Variants in TSPAN9 observed in about 807,000 individuals in gnomAD.
TSPAN9 encodes the protein tetraspanin-9.
A neutral mutation model predicts 31.0 loss-of-function variants in TSPAN9; 16 were observed. That is an observed-to-expected ratio of 0.52 (90% CI 0.35 to 0.78). TSPAN9 has a LOEUF of 0.78. TSPAN9 is among the 30% of genes least tolerant of loss of function. The probability of loss-of-function intolerance (pLI) is 0.01; values close to 1 mark genes in which losing one functional copy is unlikely to be tolerated. For missense variants in TSPAN9, 272 were observed against 312.5 expected (o/e 0.87, Z 0.98); for synonymous variants, 145 against 121.6 (o/e 1.19, Z -1.27).
chr12:3,157,575 A>G (rs1282360031), intron 2 of TSPAN9, among the ~76,000 whole-genome samples: 3 of 152,250 alleles, frequency 2.0e-5, no homozygotes, highest in Non-Finnish European at 2.9e-5. Flanking sequence ...GAAAACCTAA[A>G]ATAGTCTTTG....
At chr12:3,243,684 T>C (rs547943532) in intron 3 of TSPAN9, among the ~76,000 whole-genome samples, 1 of 152,060 alleles carries the variant, frequency 6.6e-6, no homozygotes, top group East Asian at 2.0e-4. Flanking sequence ...TCAGGGAGGG[T>C]GACAGCGTAG....
intron 2 of TSPAN9, among the ~76,000 whole-genome samples, chr12:3,113,230 C>G (rs2098320138): frequency 6.6e-6 from 1 of 152,078 alleles, no homozygotes; most frequent in African/African-American, 2.4e-5. Flanking sequence ...GGGTAAAGGC[C>G]TAGGGGCTGT....
chr12:3,135,728 G>A (rs2098331819), intron 2 of TSPAN9, among the ~76,000 whole-genome samples: 1 of 152,134 alleles, frequency 6.6e-6, no homozygotes, highest in South Asian at 2.1e-4. Context: ...ATCAGCCATC[G>A]CCCCTTGATG....
intron 2 of TSPAN9, among the ~76,000 whole-genome samples, chr12:3,163,154 A>G (rs989319484): frequency 5.3e-5 from 8 of 152,202 alleles, no homozygotes; most frequent in East Asian, 1.9e-4. Flanking sequence ...GGCATGATCA[A>G]TAGTGGTTGA....
intron 2 of TSPAN9, among the ~76,000 whole-genome samples, chr12:3,139,793 C>T (rs1038111941): frequency 6.6e-6 from 1 of 152,308 alleles, no homozygotes; most frequent in East Asian, 1.9e-4. Context: ...GGTGATCCAC[C>T]TCCCTCGGCC....
chr12:3,220,388 G>A (rs954562787), intron 3 of TSPAN9, among the ~76,000 whole-genome samples: 1 of 152,186 alleles, frequency 6.6e-6, no homozygotes, highest in Non-Finnish European at 1.5e-5. Context: ...GCACCCTCAG[G>A]GTTAGGCGTG....
intron 2 of TSPAN9, among the ~76,000 whole-genome samples, chr12:3,175,251 G>A (rs940950685): frequency 1.3e-5 from 2 of 152,204 alleles, no homozygotes; most frequent in South Asian, 2.1e-4. Flanking sequence ...GAAGTGGCAC[G>A]AGAGCGGTCA....
chr12:3,148,442 G>T (rs563683558), intron 2 of TSPAN9, among the ~76,000 whole-genome samples: 4 of 152,336 alleles, frequency 2.6e-5, no homozygotes, highest in African/African-American at 7.2e-5. Flanking sequence ...AGCAGCTCGG[G>T]CTGGGTTCAG....
At chr12:3,113,815 G>A (rs1422986898) in intron 2 of TSPAN9, among the ~76,000 whole-genome samples, 4 of 152,206 alleles carry the variant, frequency 2.6e-5, no homozygotes, top group South Asian at 4.1e-4. Context: ...CCCTCTTTGA[G>A]GTTTTGCAAA....
At chr12:3,159,713 CTGTA>C (rs1460539054) in intron 2 of TSPAN9, among the ~76,000 whole-genome samples, 1 of 152,088 alleles carries the variant, frequency 6.6e-6, no homozygotes, top group Non-Finnish European at 1.5e-5. Flanking sequence ...AATTAAGAAA[CTGTA>C]TATATAGAGA....
intron 2 of TSPAN9, among the ~76,000 whole-genome samples, chr12:3,167,296 G>A (rs2098349001): frequency 6.6e-6 from 1 of 152,318 alleles, no homozygotes; most frequent in Non-Finnish European, 1.5e-5. Context: ...CAGTAGGAAT[G>A]GGATTTTGAA....
intron 2 of TSPAN9, among the ~76,000 whole-genome samples, chr12:3,101,245 G>T (rs2098311721): frequency 6.6e-6 from 1 of 152,128 alleles, no homozygotes; most frequent in Non-Finnish European, 1.5e-5. Context: ...AGGACTCTTG[G>T]TGAAGGATTC....
intron 2 of TSPAN9, among the ~76,000 whole-genome samples, chr12:3,086,738 C>T (rs537161989): frequency 6.6e-6 from 1 of 152,344 alleles, no homozygotes; most frequent in African/African-American, 2.4e-5. Context: ...TGCTAACTCT[C>T]ACAGCACGTT....
chr12:3,190,266 G>A (rs896107820), intron 2 of TSPAN9, among the ~76,000 whole-genome samples: 1 of 152,252 alleles, frequency 6.6e-6, no homozygotes, highest in Non-Finnish European at 1.5e-5. Context: ...CTGTGGAGTG[G>A]TTTAGGAATA....
chr12:3,161,559 G>C (rs1044918542), intron 2 of TSPAN9, among the ~76,000 whole-genome samples: 4 of 152,156 alleles, frequency 2.6e-5, no homozygotes, highest in Non-Finnish European at 4.4e-5. Flanking sequence ...GAGGTAGGTG[G>C]AGCACCTAGC....
chr12:3,120,187 A>T (rs1052012015), intron 2 of TSPAN9, among the ~76,000 whole-genome samples: 1 of 152,178 alleles, frequency 6.6e-6, no homozygotes, highest in Non-Finnish European at 1.5e-5. Context: ...GAGTGGGAGG[A>T]ATTCCAAGGC....
At chr12:3,162,688 AGAC>A (rs2153969570) in intron 2 of TSPAN9, among the ~76,000 whole-genome samples, 1 of 152,316 alleles carries the variant, frequency 6.6e-6, no homozygotes, top group South Asian at 2.1e-4. Context: ...GGCCAGAAGA[AGAC>A]CATTTTCTTT....
At chr12:3,082,714 G>A (rs578146598) in intron 1 of TSPAN9, among the ~76,000 whole-genome samples, 1 of 152,248 alleles carries the variant, frequency 6.6e-6, no homozygotes, top group Admixed American at 6.5e-5. Flanking sequence ...TGATTGGATG[G>A]GGAGGTGAGG....
intron 3 of TSPAN9, among the ~76,000 whole-genome samples, chr12:3,226,832 A>C (rs2098388106): frequency 7.5e-6 from 1 of 133,930 alleles, no homozygotes; most frequent in African/African-American, 2.8e-5. Flanking sequence ...TCCTGGGCTC[A>C]AGCAGTCCTC....
Sources: gnomAD v4.1 joint callset for allele counts (sites outside exome capture counted in the v4.1 genomes callset) on GRCh38, gnomAD v4.1.1 for gene constraint, MANE v1.5 for transcripts, NCBI Gene and HGNC (gene_info 2026-07-23, HGNC 2026-07-21) for gene names.